Variants in SLC24A3 observed in about 807,000 individuals in gnomAD.
SLC24A3 encodes the protein sodium/potassium/calcium exchanger 3.
In SLC24A3, 28 loss-of-function variants were observed where a neutral mutation model predicts 75.8. The ratio of observed to expected loss-of-function variants is 0.37; its 90% CI spans 0.27 to 0.51. The LOEUF is 0.51. Ranked by LOEUF, SLC24A3 falls within the 20% of genes least tolerant of loss-of-function variation. The probability of loss-of-function intolerance (pLI) is 0.94; values close to 1 mark genes in which losing one functional copy is unlikely to be tolerated. For missense variants in SLC24A3, 663 were observed against 847.8 expected, an observed-to-expected ratio of 0.78 and a Z score of 2.71; for synonymous variants, 372 against 334.1, an observed-to-expected ratio of 1.11 and a Z score of -1.24.
chr20:19,643,414 C>T (rs986392441), intron 6 of SLC24A3, among the ~76,000 whole-genome samples: 1 of 152,108 alleles, frequency 6.6e-6, no homozygotes, highest in Non-Finnish European at 1.5e-5. Context: ...GGATCCTTCC[C>T]GATATGAACC....
At chr20:19,369,591 A>T (rs139802766) in intron 2 of SLC24A3, among the ~76,000 whole-genome samples, 2 of 152,212 alleles carry the variant, frequency 1.3e-5, no homozygotes, top group East Asian at 3.9e-4. Context: ...TATCCTTGTG[A>T]ATTTCCATTT....
chr20:19,659,697 C>A (rs533560275), intron 7 of SLC24A3, among the ~76,000 whole-genome samples: 1 of 152,238 alleles, frequency 6.6e-6, no homozygotes, highest in South Asian at 2.1e-4. Flanking sequence ...ACCGGTAATA[C>A]CTCGAGTTTG....
intron 1 of SLC24A3, among the ~76,000 whole-genome samples, chr20:19,247,215 C>T (rs1415146131): frequency 6.6e-6 from 1 of 152,154 alleles, no homozygotes; most frequent in Non-Finnish European, 1.5e-5. Context: ...CCAGTAGGCT[C>T]TCTGATGGCT....
chr20:19,525,144 T>C (rs2030175347), intron 3 of SLC24A3, among the ~76,000 whole-genome samples: 1 of 152,116 alleles, frequency 6.6e-6, no homozygotes, highest in South Asian at 2.1e-4. Flanking sequence ...CAGCCCCCCT[T>C]ATATAGTAGA....
At chr20:19,492,761 TA>T (rs1367183830) in intron 2 of SLC24A3, among the ~76,000 whole-genome samples, 1 of 152,236 alleles carries the variant, frequency 6.6e-6, no homozygotes, top group Non-Finnish European at 1.5e-5. Context: ...TAAGTGTGGA[TA>T]TTTTTATAAT....
intron 7 of SLC24A3, among the ~76,000 whole-genome samples, chr20:19,662,841 T>C (rs1038205307): frequency 5.3e-5 from 8 of 152,178 alleles, no homozygotes; most frequent in Admixed American, 6.5e-5. Context: ...AGGAACCTCA[T>C]CCTTGCCGTT....
At chr20:19,601,294 C>T (rs2031524017) in intron 6 of SLC24A3, among the ~76,000 whole-genome samples, 2 of 152,204 alleles carry the variant, frequency 1.3e-5, no homozygotes, top group Non-Finnish European at 2.9e-5. Context: ...TGCCCAGAAG[C>T]TCCAGGTCTA....
intron 3 of SLC24A3, among the ~76,000 whole-genome samples, chr20:19,558,661 G>T (rs530957085): frequency 6.6e-6 from 1 of 152,214 alleles, no homozygotes; most frequent in East Asian, 1.9e-4. Flanking sequence ...ATTTTGTTGA[G>T]TTTATAGATT....
chr20:19,566,489 C>T (rs2030959667), intron 3 of SLC24A3, among the ~76,000 whole-genome samples: 1 of 152,188 alleles, frequency 6.6e-6, no homozygotes, highest in Non-Finnish European at 1.5e-5. Flanking sequence ...TGCTCACTGC[C>T]TCCACCCTGT....
intron 6 of SLC24A3, among the ~76,000 whole-genome samples, chr20:19,624,687 A>G (rs1568676691): frequency 1.3e-5 from 2 of 152,210 alleles, no homozygotes; most frequent in Non-Finnish European, 2.9e-5. Context: ...ATCACATTCT[A>G]TACTTTACAG....
intron 8 of SLC24A3, among the ~76,000 whole-genome samples, chr20:19,669,653 G>A (rs777317231): frequency 2.0e-5 from 3 of 152,178 alleles, no homozygotes; most frequent in Non-Finnish European, 2.9e-5. Flanking sequence ...AACGCAGGGC[G>A]ATGGTTTGGT....
At chr20:19,533,189 A>G (rs1340375350) in intron 3 of SLC24A3, among the ~76,000 whole-genome samples, 1 of 152,208 alleles carries the variant, frequency 6.6e-6, no homozygotes, top group Non-Finnish European at 1.5e-5. Flanking sequence ...AGCTGGAGCT[A>G]AAGTCATGTG....
intron 6 of SLC24A3, among the ~76,000 whole-genome samples, chr20:19,624,787 G>C (rs1285561786): frequency 1.3e-5 from 2 of 152,218 alleles, no homozygotes; most frequent in Non-Finnish European, 2.9e-5. Context: ...TGAGCAGGCA[G>C]TCAGTCATAC....
At position 19,721,004 on chromosome 20, in the gene SLC24A3, A is replaced by G. The variant is rs768308634; in HGVS notation, c.1799A>G (p.His600Arg). The G allele has an allele frequency of 6.2e-7, 1 of 1,613,758 alleles. No homozygotes were observed. The highest frequency in any genetic ancestry group is 8.5e-7 in the Non-Finnish European group (1 of 1,179,946). ...ASVFVTVFGV[H>R]LNKWQLDKKL... ...TGTGCCCTGCAGGTGTTCGGCGTCC[A>G]CCTGAACAAGTGGCAGCTGGACAAG... Residue 600 changes from histidine to arginine, a missense_variant, in exon 17 of 17, where the codon CAC (histidine) becomes CGC (arginine). Physicochemically the swap from His to Arg is conservative, Grantham distance 29. Transcript: ENST00000328041.
intron 2 of SLC24A3, among the ~76,000 whole-genome samples, chr20:19,302,512 T>C (rs1212750902): frequency 6.6e-6 from 1 of 152,240 alleles, no homozygotes; most frequent in East Asian, 1.9e-4. Flanking sequence ...CTAATCTTTT[T>C]CCATTTATAA....
chr20:19,645,198 G>C (rs2032122566), intron 6 of SLC24A3, among the ~76,000 whole-genome samples: 1 of 152,246 alleles, frequency 6.6e-6, no homozygotes, highest in Non-Finnish European at 1.5e-5. Flanking sequence ...CAATAAATCA[G>C]TTTCCTAGTG....
intron 2 of SLC24A3, among the ~76,000 whole-genome samples, chr20:19,459,656 A>G (rs1055105371): frequency 2.0e-5 from 3 of 152,148 alleles, no homozygotes; most frequent in African/African-American, 7.2e-5. Context: ...TTTGCTAAAT[A>G]TTTCATAAAT....
intron 2 of SLC24A3, among the ~76,000 whole-genome samples, chr20:19,457,413 T>C (rs555329838): frequency 5.3e-5 from 8 of 152,258 alleles, no homozygotes; most frequent in Non-Finnish European, 8.8e-5. Context: ...AAAAATTATT[T>C]ATAGTCTACT....
At chr20:19,602,637 A>G (rs1448503314) in intron 6 of SLC24A3, among the ~76,000 whole-genome samples, 1 of 152,202 alleles carries the variant, frequency 6.6e-6, no homozygotes, top group Non-Finnish European at 1.5e-5. Flanking sequence ...CAAAAGACAT[A>G]CACATCTACC....
Sources: gnomAD v4.1 joint callset for allele counts (sites outside exome capture counted in the v4.1 genomes callset) on GRCh38, gnomAD v4.1.1 for gene constraint, MANE v1.5 for transcripts, NCBI Gene and HGNC (gene_info 2026-07-23, HGNC 2026-07-21) for gene names.